The following PCCA variants were observed in gnomAD, a reference collection of about 807,000 sequenced individuals.
PCCA encodes the protein propionyl-CoA carboxylase subunit alpha.
PCCA carries 74 observed loss-of-function variants against 101.3 expected under a neutral mutation model. That is an observed-to-expected ratio of 0.73 (90% CI 0.61 to 0.89). The LOEUF (loss-of-function observed/expected upper bound fraction) is 0.89, where lower values mean the gene tolerates loss of function less well. Ranked by LOEUF, PCCA falls within the 40% of genes least tolerant of loss-of-function variation. The pLI is 0.00. For missense variants in PCCA, 891 were observed against 907.0 expected, an observed-to-expected ratio of 0.98 and a Z score of 0.23; for synonymous variants, 294 against 313.6, an observed-to-expected ratio of 0.94 and a Z score of 0.66.
intron 12 of PCCA, among the ~76,000 whole-genome samples, chr13:100,288,041 CTCTA>C (rs2064825540): frequency 6.6e-6 from 1 of 152,036 alleles, no homozygotes; most frequent in Non-Finnish European, 1.5e-5. Context: ...TATTCAATTC[CTCTA>C]TATATCTTTT....
At chr13:100,153,333 C>G (rs1358844074) in intron 4 of PCCA, among the ~76,000 whole-genome samples, 1 of 152,082 alleles carries the variant, frequency 6.6e-6, no homozygotes, top group African/African-American at 2.4e-5. Flanking sequence ...AAAATCTGCA[C>G]TAACTACTCT....
At chr13:100,151,627 CA>C (rs995531429) in intron 4 of PCCA, among the ~76,000 whole-genome samples, 2 of 150,832 alleles carry the variant, frequency 1.3e-5, no homozygotes, top group South Asian at 2.1e-4. Flanking sequence ...CAAAACAAAA[CA>C]AAAAAAACCC....
intron 7 of PCCA, among the ~76,000 whole-genome samples, chr13:100,235,439 C>T (rs773175843): frequency 6.6e-6 from 1 of 152,094 alleles, no homozygotes; most frequent in Non-Finnish European, 1.5e-5. Flanking sequence ...ATCAACTCCC[C>T]CTGCTGACAG....
At chr13:100,522,258 T>A (rs2087360902) in intron 22 of PCCA, among the ~76,000 whole-genome samples, 1 of 152,198 alleles carries the variant, frequency 6.6e-6, no homozygotes, top group Non-Finnish European at 1.5e-5. Flanking sequence ...CTGGCGTACA[T>A]TGTGTGCTCC....
intron 22 of PCCA, among the ~76,000 whole-genome samples, chr13:100,520,225 A>T (rs1007432390): frequency 2.0e-5 from 3 of 152,256 alleles, no homozygotes; most frequent in Non-Finnish European, 4.4e-5. Context: ...GAGACATTAC[A>T]TATAACATGA....
rs759841139 is a variant in PCCA, at chr13:100,368,580, TTTTC to T, written c.1746+14_1746+17del. ...ACAATGGGTCAGTGTTCTCGGTGAGTTTTCTTTCTTTATTTTCTTGGTAATCTTG... is the reference window on the plus strand; with the variant it reads ...ACAATGGGTCAGTGTTCTCGGTGAGTTTTCTTTATTTTCTTGGTAATCTTG... On this transcript the variant is annotated splice_region_variant and intron_variant, in intron 19 of 23. Transcript: ENST00000376285. 2 of 1,525,096 alleles carry T rather than the reference TTTTC, an allele frequency of 1.3e-6. No individual in the cohort carries two copies. Among genetic ancestry groups the T allele is most frequent in the Non-Finnish European group, 1.8e-6 (2 of 1,099,526 alleles). The allele number at this position is 1,525,096 out of a possible 1,614,324, so 94.5% of individuals were successfully genotyped here.
At chr13:100,166,309 C>CTGTTTTGTTT (rs543918385) in intron 6 of PCCA, among the ~76,000 whole-genome samples, 2 of 151,982 alleles carry the variant, frequency 1.3e-5, no homozygotes, top group African/African-American at 4.8e-5. Flanking sequence ...ACTTCATTCC[C>CTGTTTTGTTT]TGTTTTGTTT....
Position 100,090,122 on chromosome 13 carries a change from CAT to C in PCCA, c.105+898_105+899del, listed in dbSNP as rs2046142755. ...TCCTTTTAAAAAATAATTATTAAAACATTGCCACATAACTTGATTTATAGTCA... is the reference window on the plus strand; with the variant it reads ...TCCTTTTAAAAAATAATTATTAAAACTGCCACATAACTTGATTTATAGTCA... On this transcript the variant is annotated intron_variant, in intron 1 of 23. Transcript: ENST00000376285. 1.3e-5 allele frequency among the ~76,000 whole-genome samples: 2 copies of C among 152,210 alleles called. 1 individual carries two copies. The highest frequency in any genetic ancestry group is 4.1e-4 in the South Asian group (2 of 4,828).
chr13:100,280,981 A>AAAAC lies in PCCA; in HGVS notation c.1065+7650_1065+7653dup, dbSNP rs991407496. ...GGACAGAGCGAGACCCTGTCTCTGA[A>AAAAC]AAACAAACAAACAAACAACAACAAC... On this transcript the variant is annotated intron_variant, in intron 12 of 23. Transcript: ENST00000376285. Among the ~76,000 whole-genome samples, 22 of 152,282 alleles carry AAAAC rather than the reference A, an allele frequency of 1.4e-4. No homozygotes were observed. The South Asian group carries it at 1.9e-3, about 13-fold the overall frequency.
intron 22 of PCCA, among the ~76,000 whole-genome samples, chr13:100,525,493 CG>C (rs2087722142): frequency 1.3e-5 from 2 of 152,344 alleles, no homozygotes; most frequent in Non-Finnish European, 1.5e-5. Flanking sequence ...CAGGCCCTGG[CG>C]GGGCCCAGAG....
chr13:100,374,232 G>A (rs187400132), intron 19 of PCCA, among the ~76,000 whole-genome samples: 2 of 152,162 alleles, frequency 1.3e-5, no homozygotes, highest in African/African-American at 4.8e-5. Context: ...AGTATTTTAT[G>A]TATTTTAGGT....
chr13:100,098,419 T>C (rs566382327), intron 1 of PCCA, among the ~76,000 whole-genome samples: 27 of 152,314 alleles, frequency 1.8e-4, no homozygotes, highest in African/African-American at 6.0e-4. Flanking sequence ...GGAACAGCTC[T>C]AGGGCACAGA....
chr13:100,393,521 C>T (rs556497727), intron 19 of PCCA, among the ~76,000 whole-genome samples: 1 of 149,398 alleles, frequency 6.7e-6, no homozygotes, highest in South Asian at 2.1e-4. Context: ...CGGGTTCAAG[C>T]GATTCTCCTG....
intron 21 of PCCA, among the ~76,000 whole-genome samples, chr13:100,451,074 C>T (rs2081190226): frequency 6.6e-6 from 1 of 152,308 alleles, no homozygotes; most frequent in Non-Finnish European, 1.5e-5. Flanking sequence ...CAGTTCAAGT[C>T]CAAAGACAGT....
chr13:100,196,607 G>A (rs1283763282), intron 6 of PCCA, among the ~76,000 whole-genome samples: 3 of 152,114 alleles, frequency 2.0e-5, no homozygotes, highest in African/African-American at 7.2e-5. Flanking sequence ...CCAGATCCCA[G>A]TAATACTGAA....
intron 22 of PCCA, among the ~76,000 whole-genome samples, chr13:100,516,762 A>AGTGTGTGTGTGTGTG (rs1382893777): frequency 0.037 from 4,030 of 109,018 alleles, 86 homozygotes; most frequent in South Asian, 0.071. Context: ...TGTGTGTGTA[A>AGTGTGTGTGTGTGTG]TGTGTGTAAA....
At chr13:100,324,577 A>G (rs1408719248) in intron 16 of PCCA, among the ~76,000 whole-genome samples, 1 of 152,232 alleles carries the variant, frequency 6.6e-6, no homozygotes, top group East Asian at 1.9e-4. Context: ...ACACAAATCT[A>G]TTATAAAAGT....
chr13:100,321,394 C>A (rs188422697), intron 16 of PCCA, among the ~76,000 whole-genome samples: 1 of 152,010 alleles, frequency 6.6e-6, no homozygotes. Flanking sequence ...ACAAAAGCAA[C>A]GCCACATTTT....
intron 21 of PCCA, among the ~76,000 whole-genome samples, chr13:100,469,636 C>T (rs756541652): frequency 9.2e-5 from 14 of 151,762 alleles, no homozygotes; most frequent in African/African-American, 1.7e-4. Flanking sequence ...ATTAGCTGGG[C>T]GTGGTGGCAG....
Sources: allele counts gnomAD v4.1 joint callset (sites outside exome capture counted in the v4.1 genomes callset), GRCh38; gene constraint gnomAD v4.1.1; transcripts MANE v1.5; gene names NCBI Gene and HGNC (gene_info 2026-07-23, HGNC 2026-07-21).